KCNMA1: variants seen among roughly 807,000 people sequenced by gnomAD.
The protein encoded by KCNMA1 is potassium calcium-activated channel subfamily M alpha 1.
Under a neutral mutation model 140.0 loss-of-function variants are expected in KCNMA1, and 29 were observed. That is an observed-to-expected ratio of 0.21 (90% CI 0.15 to 0.28). The LOEUF (loss-of-function observed/expected upper bound fraction) is 0.28, where lower values mean the gene tolerates loss of function less well. KCNMA1 is among the 10% of genes least tolerant of loss of function. The pLI is 1.00. For missense variants in KCNMA1, 880 were observed against 1,602.2 expected (o/e 0.55, Z 7.70); for synonymous variants, 612 against 611.9 (o/e 1.00, Z 0.00).
chr10:77,423,944 C>G (rs1182592390), intron 1 of KCNMA1, among the ~76,000 whole-genome samples: 1 of 152,188 alleles, frequency 6.6e-6, no homozygotes, highest in Non-Finnish European at 1.5e-5. Flanking sequence ...AATATGTTAG[C>G]CTTTGGCCAG....
chr10:77,322,795 G>A (rs150567842), intron 2 of KCNMA1, among the ~76,000 whole-genome samples: 81 of 152,254 alleles, frequency 5.3e-4, no homozygotes, highest in African/African-American at 1.9e-3. Context: ...TACCCATGCT[G>A]GAGCCTAAAT....
intron 20 of KCNMA1, among the ~76,000 whole-genome samples, chr10:76,956,966 C>A (rs2068592811): frequency 6.6e-6 from 1 of 151,260 alleles, no homozygotes; most frequent in African/African-American, 2.4e-5. Flanking sequence ...ATTAAAAATA[C>A]AAAAAAATTA....
intron 19 of KCNMA1, among the ~76,000 whole-genome samples, chr10:76,975,856 C>A (rs981036951): frequency 6.6e-6 from 1 of 152,172 alleles, no homozygotes; most frequent in Non-Finnish European, 1.5e-5. Flanking sequence ...GTTGCCCAGG[C>A]TGGTGTGCAG....
In KCNMA1 at chr10:77,084,707, C is replaced by T; in HGVS notation, c.1453G>A (p.Asp485Asn). 1 of 1,613,632 alleles carries T rather than the reference C, an allele frequency of 6.2e-7. No individual in the cohort carries two copies. Reference protein sequence around the residue: ...DLARVKIESADACLILANKYC... With the variant: ...DLARVKIESANACLILANKYC... ...TTGTTGGCAAGGATCAGGCATGCATCTGCTGACTCTATCTAAGACACCGAA... is the reference window on the plus strand; with the variant it reads ...TTGTTGGCAAGGATCAGGCATGCATTTGCTGACTCTATCTAAGACACCGAA... Residue 485 changes from aspartate (D) to asparagine (N), a missense_variant, in exon 12 of 28, where the codon GAT (aspartate) becomes AAT (asparagine). Around this residue, in one of 13 missense-constraint regions of KCNMA1, gnomAD observed 198 missense variants for 580.1 expected, o/e 0.34. Transcript: ENST00000286628.
intron 1 of KCNMA1, among the ~76,000 whole-genome samples, chr10:77,465,340 C>A (rs1217074435): frequency 6.6e-6 from 1 of 152,192 alleles, no homozygotes; most frequent in Non-Finnish European, 1.5e-5. Context: ...TGTTTTAATG[C>A]AAATGGTAAG....
At chr10:77,171,632 T>C (rs2098709421) in intron 5 of KCNMA1, among the ~76,000 whole-genome samples, 1 of 152,172 alleles carries the variant, frequency 6.6e-6, no homozygotes, top group African/African-American at 2.4e-5. Context: ...TCAGAGTTCC[T>C]GGGTGATTCT....
At chr10:77,083,702 G>T (rs2096632180) in intron 12 of KCNMA1, among the ~76,000 whole-genome samples, 1 of 151,954 alleles carries the variant, frequency 6.6e-6, no homozygotes, top group African/African-American at 2.4e-5. Flanking sequence ...ATGTGTGGTG[G>T]CACATTCCTA....
chr10:76,982,361 G>A (rs2079797692), intron 19 of KCNMA1, among the ~76,000 whole-genome samples: 1 of 151,594 alleles, frequency 6.6e-6, no homozygotes, highest in African/African-American at 2.4e-5. Flanking sequence ...AGAAAAAGAA[G>A]ACGACTTGAA....
At chr10:77,002,928 C>T (rs1239592058) in intron 18 of KCNMA1, among the ~76,000 whole-genome samples, 1 of 152,098 alleles carries the variant, frequency 6.6e-6, no homozygotes, top group Non-Finnish European at 1.5e-5. Context: ...AAGTCATTTC[C>T]CCCACTCTTT....
chr10:77,631,304 G>A (rs78277713), intron 1 of KCNMA1, among the ~76,000 whole-genome samples: 1,959 of 152,232 alleles, frequency 0.013, 18 homozygotes, highest in East Asian at 0.03. Flanking sequence ...CACCCAAGAA[G>A]CAGTTCTAAA....
chr10:76,966,027 A>C lies in KCNMA1; in HGVS notation c.2360+3947T>G, dbSNP rs530350009. ...TATGTGCTTGTCTTCTCCTCTGCTA[A>C]ACTATAAGCATTTTGAAGGCAGGGA... On this transcript the variant is annotated intron_variant, in intron 20 of 27. Coordinates refer to ENST00000286628, the MANE Select transcript of KCNMA1 (RefSeq NM_001161352.2). Among the ~76,000 whole-genome samples, 10 of 152,298 alleles carry C rather than the reference A, an allele frequency of 6.6e-5. No individual in the cohort carries two copies. In the South Asian group the frequency reaches 2.1e-3, roughly 32 times the overall value.
intron 14 of KCNMA1, among the ~76,000 whole-genome samples, chr10:77,052,120 G>A (rs2095391436): frequency 6.6e-6 from 1 of 152,182 alleles, no homozygotes; most frequent in South Asian, 2.1e-4. Context: ...GTGATTCATG[G>A]CTTCCTATTG....
intron 1 of KCNMA1, among the ~76,000 whole-genome samples, chr10:77,546,910 G>A (rs1380813325): frequency 6.6e-6 from 1 of 152,154 alleles, no homozygotes; most frequent in Non-Finnish European, 1.5e-5. Flanking sequence ...CCATCACCCA[G>A]CAACAGTGAG....
intron 1 of KCNMA1, among the ~76,000 whole-genome samples, chr10:77,569,875 C>G (rs2070219508): frequency 1.3e-5 from 2 of 151,608 alleles, no homozygotes; most frequent in African/African-American, 2.4e-5. Context: ...ACAATGAACT[C>G]AAACAAATTT....
chr10:77,120,649 A>G (rs1596376268), intron 6 of KCNMA1, among the ~76,000 whole-genome samples: 1 of 152,134 alleles, frequency 6.6e-6, no homozygotes, highest in African/African-American at 2.4e-5. Context: ...TCCCTCATTC[A>G]CTGTGCACCT....
chr10:77,452,106 C>T (rs928553510), intron 1 of KCNMA1, among the ~76,000 whole-genome samples: 8 of 152,200 alleles, frequency 5.3e-5, no homozygotes, highest in Non-Finnish European at 1.2e-4. Flanking sequence ...TTCAACAAGA[C>T]CCTGCCCTTT....
At chr10:76,939,572 T>C (rs2061472384) in intron 23 of KCNMA1, 1 of 152,232 alleles carries the variant, frequency 6.6e-6, no homozygotes, top group Non-Finnish European at 1.5e-5. Context: ...CCTGCAAGCA[T>C]AGTGAGTGGC....
chr10:76,891,898 C>T (rs116738280), intron 25 of KCNMA1, among the ~76,000 whole-genome samples, 179 bp from the exon 26 acceptor site: 1 of 152,170 alleles, frequency 6.6e-6, no homozygotes, highest in Non-Finnish European at 1.5e-5. Context: ...CCGTTATTTT[C>T]TCTCTTGCTT....
intron 2 of KCNMA1, among the ~76,000 whole-genome samples, chr10:77,304,863 A>AT (rs1252746971): frequency 1.3e-5 from 2 of 152,196 alleles, no homozygotes; most frequent in African/African-American, 4.8e-5. Flanking sequence ...GCCAAAGGCC[A>AT]TTGCGGTCCA....
Sources: gnomAD v4.1 joint callset for allele counts (sites outside exome capture counted in the v4.1 genomes callset) on GRCh38, gnomAD v4.1.1 for gene constraint, gnomAD v4.1.1 regional missense constraint, MANE v1.5 for transcripts, NCBI Gene and HGNC (gene_info 2026-07-23, HGNC 2026-07-21) for gene names.